ADGRV1: variants seen among roughly 807,000 people sequenced by gnomAD.
ADGRV1 encodes adhesion G protein-coupled receptor V1.
Under a neutral mutation model 596.2 loss-of-function variants are expected in ADGRV1, and 359 were observed. The ratio of observed to expected loss-of-function variants is 0.60; its 90% CI spans 0.55 to 0.66. ADGRV1 has a LOEUF of 0.66. Among genes scored for constraint, ADGRV1 ranks in the 30% least tolerant of loss-of-function variants. The pLI, the probability that ADGRV1 is intolerant of heterozygous loss-of-function variation, is 0.00. For missense variants in ADGRV1, 7,274 were observed against 7,575.6 expected (o/e 0.96, Z 1.48); for synonymous variants, 2,681 against 2,679.2 (o/e 1.00, Z -0.02).
At chr5:90,978,054 T>C (rs559891055) in intron 84 of ADGRV1, among the ~76,000 whole-genome samples, 72 of 152,186 alleles carry the variant, frequency 4.7e-4, no homozygotes, top group African/African-American at 1.7e-3. Flanking sequence ...CCAAGCACTT[T>C]GGGAGGCCGA....
intron 30 of ADGRV1, 88 bp downstream of exon 30, chr5:90,690,164 A>T: frequency 1.3e-6 from 1 of 758,276 alleles, no homozygotes; most frequent in South Asian, 1.8e-5. Flanking sequence ...CTCAGAATTG[A>T]TCTGATCATG....
chr5:90,571,927 G>A (rs565093953), intron 1 of ADGRV1, among the ~76,000 whole-genome samples: 2 of 152,232 alleles, frequency 1.3e-5, no homozygotes, highest in South Asian at 4.1e-4. Flanking sequence ...CAAGCCCTTG[G>A]TTAATTTCTG....
At chr5:90,573,623 T>TG (rs1426393827) in intron 1 of ADGRV1, among the ~76,000 whole-genome samples, 1 of 152,186 alleles carries the variant, frequency 6.6e-6, no homozygotes, top group Non-Finnish European at 1.5e-5. Flanking sequence ...CATCACTGAC[T>TG]GAAACATCAT....
At chr5:90,916,508 G>T (rs1773368237) in intron 83 of ADGRV1, among the ~76,000 whole-genome samples, 1 of 151,958 alleles carries the variant, frequency 6.6e-6, no homozygotes, top group African/African-American at 2.4e-5. Context: ...TGCACCCCAG[G>T]TAAAGAAGCA....
chr5:90,922,191 G>C (rs940578504), intron 83 of ADGRV1, among the ~76,000 whole-genome samples: 1 of 152,040 alleles, frequency 6.6e-6, no homozygotes, highest in African/African-American at 2.4e-5. Flanking sequence ...TGTCAACATC[G>C]CTTGCTTAAA....
intron 74 of ADGRV1, among the ~76,000 whole-genome samples, chr5:90,812,410 A>G (rs1762522769): frequency 6.6e-6 from 1 of 152,234 alleles, no homozygotes; most frequent in African/African-American, 2.4e-5. Context: ...TTATAAATGC[A>G]GTGTAGAATA....
chr5:90,712,447 T>C lies in ADGRV1; in HGVS notation c.9184+19T>C, dbSNP rs376567919. 22 of 1,554,498 alleles carry C rather than the reference T, an allele frequency of 1.4e-5. No homozygotes were observed. The highest frequency in any genetic ancestry group is 1.1e-4 in the African/African-American group (8 of 73,596). On this transcript the variant is annotated intron_variant, in intron 42 of 89. Transcript: ENST00000405460. ...ACAATAGGTAATTAATAATTTCTTA[T>C]AAACAGCTTCCTCTCCTTCATGCTG...
chr5:90,759,856 T>C, intron 58 of ADGRV1: 1 of 375,884 alleles, frequency 2.7e-6, no homozygotes, highest in Non-Finnish European at 5.0e-6. Flanking sequence ...TCCCAGATAC[T>C]TGGGAGGCTG....
intron 48 of ADGRV1, among the ~76,000 whole-genome samples, chr5:90,726,153 A>G (rs768179071): frequency 1.3e-5 from 2 of 152,258 alleles, no homozygotes; most frequent in Non-Finnish European, 2.9e-5. Context: ...CAAAAGGGGT[A>G]TTATTCATTT....
At chr5:90,918,434 A>G (rs1260509369) in intron 83 of ADGRV1, among the ~76,000 whole-genome samples, 4 of 152,150 alleles carry the variant, frequency 2.6e-5, no homozygotes, top group Admixed American at 2.0e-4. Context: ...CAGCGATTTT[A>G]TCTCTTGCAT....
chr5:91,009,057 T>G (rs1432956766), intron 85 of ADGRV1, among the ~76,000 whole-genome samples: 1 of 152,200 alleles, frequency 6.6e-6, no homozygotes, highest in African/African-American at 2.4e-5. Context: ...TCTGTTGCAT[T>G]TATATGCAGC....
At chr5:90,974,705 T>C (rs1271480161) in intron 84 of ADGRV1, among the ~76,000 whole-genome samples, 2 of 152,164 alleles carry the variant, frequency 1.3e-5, no homozygotes, top group East Asian at 1.9e-4. Context: ...TAATTCAAGA[T>C]GGATTAAAGA....
chr5:90,867,904 G>A (rs1768281747), intron 83 of ADGRV1, among the ~76,000 whole-genome samples: 1 of 152,160 alleles, frequency 6.6e-6, no homozygotes, highest in Non-Finnish European at 1.5e-5. Flanking sequence ...GAATAAAAAA[G>A]TATGTAAGCG....
At chr5:91,073,845 G>T (rs1464890004) in intron 86 of ADGRV1, among the ~76,000 whole-genome samples, 1 of 152,064 alleles carries the variant, frequency 6.6e-6, no homozygotes, top group Non-Finnish European at 1.5e-5. Flanking sequence ...CTACATTCAT[G>T]TGCCACCATG....
rs1745235313 is a variant in ADGRV1, at chr5:90,683,695, G to A, written c.5774G>A (p.Gly1925Glu). 1 of 1,613,840 alleles carries A rather than the reference G, an allele frequency of 6.2e-7. No homozygotes were observed. Among genetic ancestry groups the A allele is most frequent in the Non-Finnish European group, 8.5e-7 (1 of 1,179,838 alleles). Residue 1925 changes from glycine (G) to glutamate (E), a missense_variant, in exon 28 of 90, where the codon GGG (glycine) becomes GAG (glutamate). Gly to Glu is a moderately conservative substitution (Grantham distance 98, BLOSUM62 -2). This residue lies in a region of ADGRV1 where 3,643 missense variants were observed against 3,809.2 expected (regional missense o/e 0.96). Transcript: ENST00000405460. ...FTSGNITFEI[G>E]QTSANITVEI... Reference sequence around the variant, plus strand: ...TCTGGCAACATCACATTTGAGATTGGGCAGACGAGCGCCAATATCACTGTG... The same window carrying A: ...TCTGGCAACATCACATTTGAGATTGAGCAGACGAGCGCCAATATCACTGTG...
Position 90,745,227 on chromosome 5 carries a change from G to A in ADGRV1, c.10731G>A (p.Glu3577=). The change falls in exon 51 of 90, where the codon GAG becomes GAA. Residue 3577 remains glutamate (E), a synonymous_variant. Transcript: ENST00000405460. ...TGGGAGCTCATTCACATATATATGA[G>A]CTAGCCTACATTTCCAGCCATTCTG... ...ALVGAHSHIY[E]LAYISSHSDF... is the part of the protein sequence containing the mutation. 6.2e-7 allele frequency: 1 copy of A among 1,606,440 alleles called. No homozygotes were observed. The highest frequency in any genetic ancestry group is 8.5e-7 in the Non-Finnish European group (1 of 1,177,914).
At chr5:91,094,033 G>T (rs1357239222) in intron 86 of ADGRV1, among the ~76,000 whole-genome samples, 5 of 151,730 alleles carry the variant, frequency 3.3e-5, no homozygotes, top group Admixed American at 6.6e-5. Flanking sequence ...TGTATTTTTA[G>T]TAGAGATGGG....
At chr5:90,673,172 T>C (rs1345806172) in intron 22 of ADGRV1, among the ~76,000 whole-genome samples, 1 of 152,218 alleles carries the variant, frequency 6.6e-6, no homozygotes, top group African/African-American at 2.4e-5. Flanking sequence ...TAATTGCTTG[T>C]GCTGGACTCC....
At chr5:90,874,610 C>T (rs1176912629) in intron 83 of ADGRV1, among the ~76,000 whole-genome samples, 1 of 151,806 alleles carries the variant, frequency 6.6e-6, no homozygotes, top group Non-Finnish European at 1.5e-5. Flanking sequence ...ACCTGTAATC[C>T]CAGCACTTTG....
Sources: allele counts gnomAD v4.1 joint callset (sites outside exome capture counted in the v4.1 genomes callset), GRCh38; gene constraint gnomAD v4.1.1; regional missense constraint gnomAD v4.1.1; transcripts MANE v1.5; gene names NCBI Gene and HGNC (gene_info 2026-07-23, HGNC 2026-07-21).